KYAT3: variants seen among roughly 807,000 people sequenced by gnomAD.
The protein encoded by KYAT3 is kynurenine--oxoglutarate transaminase 3.
KYAT3 carries 50 observed loss-of-function variants against 59.0 expected under a neutral mutation model. That is an observed-to-expected ratio of 0.85 (90% CI 0.68 to 1.07). KYAT3 has a LOEUF of 1.07. KYAT3 is among the 50% of genes least tolerant of loss of function. The pLI is 0.00. For missense variants in KYAT3, 497 were observed against 533.3 expected (o/e 0.93, Z 0.67); for synonymous variants, 148 against 177.0 (o/e 0.84, Z 1.30).
At chr1:88,965,790 C>T (rs761255182) in intron 4 of KYAT3, among the ~76,000 whole-genome samples, 34 of 152,062 alleles carry the variant, frequency 2.2e-4, no homozygotes, top group Non-Finnish European at 3.1e-4. Context: ...TTTTCTATCC[C>T]TTGAGAGTAA....
intron 8 of KYAT3, 28 bp downstream of exon 8, chr1:88,961,139 A>C (rs1309650461): frequency 6.2e-7 from 1 of 1,611,298 alleles, no homozygotes; most frequent in African/African-American, 1.3e-5. Context: ...ACACATTTAG[A>C]TATGTGACTC....
In KYAT3 at chr1:88,949,213, T is replaced by C; in HGVS notation, c.1019A>G (p.Asn340Ser). 1.2e-6 allele frequency: 2 copies of C among 1,609,888 alleles called. No homozygotes were observed. Among genetic ancestry groups the C allele is most frequent in the Middle Eastern group, 1.7e-4 (1 of 6,050 alleles). Reference protein sequence around the residue: ...KRMDDPECYFNSLPKELEVKR... With the variant: ...KRMDDPECYFSSLPKELEVKR... ...TACTTCTAACTCTTTTGGCAAAGAA[T>C]TAAAGTAACATTCTGGGTCATCCAT... Residue 340 changes from asparagine (N) to serine (S), a missense_variant, in exon 11 of 14, where the codon AAT becomes AGT. This residue lies in a region of KYAT3 where 469 missense variants were observed against 479.1 expected (regional missense o/e 0.98). Coordinates refer to ENST00000260508, the MANE Select transcript of KYAT3 (RefSeq NM_001008661.3).
rs895648589 is a variant in KYAT3, at chr1:88,961,230, G to C, written c.724C>G (p.Leu242Val). ...TCATAAACCTCATCGCTGATGCAGA[G>C]TGTGTCATATTTGATGCAAAGGTCA... The part of the protein sequence containing the change: ...IADLCIKYDT[L>V]CISDEVYEWL... The change falls in exon 8 of 14, where the codon CTC becomes GTC. Residue 242 changes from leucine to valine, a missense_variant. Leu to Val is a conservative substitution (Grantham distance 32). Transcript: ENST00000260508. The C allele has an allele frequency of 3.7e-6, 6 of 1,613,446 alleles. No homozygotes were observed. The highest frequency in any genetic ancestry group is 1.3e-5 in the African/African-American group (1 of 75,014).
the KYAT3 span, among the ~76,000 whole-genome samples, chr1:88,930,062 G>A: frequency 1.3e-5 from 2 of 152,278 alleles, no homozygotes; most frequent in African/African-American, 4.8e-5. Flanking sequence ...AGAAAAAACC[G>A]GAATAGCTCT....
rs1675353897 is a variant in KYAT3, at chr1:88,944,332, A to G, written c.1142-909T>C. On this transcript the variant is annotated intron_variant, in intron 11 of 13. Coordinates refer to ENST00000260508, the MANE Select transcript of KYAT3 (RefSeq NM_001008661.3). ...ACTAGTGGTTCTTTTCAAATTAATCATGTAAAACCTTTGACACTGAAGAAA... is the reference window on the plus strand; with the variant it reads ...ACTAGTGGTTCTTTTCAAATTAATCGTGTAAAACCTTTGACACTGAAGAAA... 3.3e-5 allele frequency among the ~76,000 whole-genome samples: 5 copies of G among 152,200 alleles called. No individual in the cohort carries two copies. In the South Asian group the frequency reaches 1.0e-3, roughly 31 times the overall value.
At chr1:88,927,148 G>A in the KYAT3 span, among the ~76,000 whole-genome samples, 1 of 152,276 alleles carries the variant, frequency 6.6e-6, no homozygotes, top group Non-Finnish European at 1.5e-5. Context: ...GACGCTCTAG[G>A]ACTAATGCTC....
chr1:88,931,570 G>A (rs148220076), downstream of KYAT3, among the ~76,000 whole-genome samples: 1 of 152,050 alleles, frequency 6.6e-6, no homozygotes, highest in Non-Finnish European at 1.5e-5. Context: ...TGAGAGGGGG[G>A]ACTGAGAGAC....
the KYAT3 span, chr1:88,923,781 TA>T: frequency 3.5e-6 from 1 of 285,608 alleles, no homozygotes; most frequent in Admixed American, 5.4e-5. Flanking sequence ...ATCCCTCAAC[TA>T]AGAGTCCAGG....
intron 4 of KYAT3, among the ~76,000 whole-genome samples, chr1:88,965,321 C>G (rs1676305792): frequency 6.6e-6 from 1 of 152,056 alleles, no homozygotes; most frequent in Non-Finnish European, 1.5e-5. Context: ...ATTTGTTTCC[C>G]AGTTAAAATA....
intron 1 of KYAT3, among the ~76,000 whole-genome samples, chr1:88,991,055 T>A (rs1557712742): frequency 6.6e-6 from 1 of 152,234 alleles, no homozygotes; most frequent in Admixed American, 6.5e-5. Context: ...TATAGCATAT[T>A]ATGCATAAAG....
the KYAT3 span, among the ~76,000 whole-genome samples, chr1:88,926,722 A>AT: frequency 6.6e-6 from 1 of 152,236 alleles, no homozygotes; most frequent in South Asian, 2.1e-4. Context: ...AAATTGCCTA[A>AT]TAATTGGTCT....
At chr1:88,940,210 C>T (rs1675184474) in intron 13 of KYAT3, among the ~76,000 whole-genome samples, 1 of 152,090 alleles carries the variant, frequency 6.6e-6, no homozygotes, top group South Asian at 2.1e-4. Flanking sequence ...ACTGAGATTA[C>T]AGGCATGTGC....
At chr1:88,933,514 G>T (rs932156519), downstream of KYAT3, among the ~76,000 whole-genome samples, 4 of 152,184 alleles carry the variant, frequency 2.6e-5, no homozygotes, top group South Asian at 8.3e-4. Context: ...AAAGAATTTT[G>T]CCCTGAATAG....
intron 13 of KYAT3, among the ~76,000 whole-genome samples, chr1:88,939,266 T>C (rs940335069): frequency 1.3e-5 from 2 of 152,246 alleles, no homozygotes; most frequent in Non-Finnish European, 2.9e-5. Context: ...TCACTTTTAT[T>C]TTGCTCTGAA....
downstream of KYAT3, among the ~76,000 whole-genome samples, chr1:88,934,345 T>C (rs1339572858): frequency 6.6e-6 from 1 of 152,104 alleles, no homozygotes; most frequent in Non-Finnish European, 1.5e-5. Flanking sequence ...TCCTAGCTAC[T>C]TGGATGGCTG....
At position 88,983,357 on chromosome 1, in the gene KYAT3, C is replaced by G. The variant is rs752891442; in HGVS notation, c.99+4895G>C. The G allele has an allele frequency of 3.6e-5, 58 of 1,614,064 alleles. No individual in the cohort carries two copies. Among genetic ancestry groups the G allele is most frequent in the Non-Finnish European group, 4.7e-5 (55 of 1,180,032 alleles). On this transcript the variant is annotated intron_variant, in intron 2 of 13. Coordinates refer to ENST00000260508, the MANE Select transcript of KYAT3 (RefSeq NM_001008661.3). ...AGATCTCTTAGGAGAAGGACCCCCACTTCTTGGTGGTGGTCCTCTTTTTAC... is the reference window on the plus strand; with the variant it reads ...AGATCTCTTAGGAGAAGGACCCCCAGTTCTTGGTGGTGGTCCTCTTTTTAC...
chr1:88,940,712 G>A (rs1428087199), intron 13 of KYAT3, among the ~76,000 whole-genome samples: 3 of 152,186 alleles, frequency 2.0e-5, no homozygotes, highest in African/African-American at 7.2e-5. Context: ...AAAATGACAG[G>A]AGTAAATGAG....
At chr1:88,958,418 T>TA (rs34576826) in intron 8 of KYAT3, among the ~76,000 whole-genome samples, 63,212 of 138,922 alleles carry the variant, frequency 0.46, 14,103 homozygotes, top group Non-Finnish European at 0.5. Context: ...CTCATCTTTG[T>TA]AAAAAAAAAA....
intron 4 of KYAT3, 120 bp downstream of exon 4, chr1:88,968,550 G>T: frequency 1.3e-6 from 1 of 750,180 alleles, no homozygotes; most frequent in Non-Finnish European, 2.0e-6. Context: ...TGCTAGGATG[G>T]GACAGCTGGT....
Sources: gnomAD v4.1 joint callset for allele counts (sites outside exome capture counted in the v4.1 genomes callset) on GRCh38, gnomAD v4.1.1 for gene constraint, gnomAD v4.1.1 regional missense constraint, MANE v1.5 for transcripts, NCBI Gene and HGNC (gene_info 2026-07-23, HGNC 2026-07-21) for gene names.